Variants in CBR4 observed in about 807,000 individuals in gnomAD.
CBR4 encodes 3-oxoacyl-[acyl-carrier-protein] reductase.
A neutral mutation model predicts 21.0 loss-of-function variants in CBR4; 22 were observed. The observed-to-expected ratio is 1.05, with a 90% CI of 0.75 to 1.50. The LOEUF is 1.50. Among genes scored for constraint, CBR4 ranks in the 40% most tolerant of loss-of-function variants. The pLI, the probability that CBR4 is intolerant of heterozygous loss-of-function variation, is 0.00. For missense variants in CBR4, 302 were observed against 286.3 expected (o/e 1.05, Z -0.40); for synonymous variants, 100 against 104.4 (o/e 0.96, Z 0.26).
chr4:168,925,219 C>G, intron 2 of CBR4: 5 of 1,417,380 alleles, frequency 3.5e-6, no homozygotes, highest in Non-Finnish European at 5.0e-6. Flanking sequence ...CTCTCTCTCT[C>G]TTTCTATTTG....
downstream of CBR4, among the ~76,000 whole-genome samples, chr4:168,985,269 G>T (rs1764652784): frequency 6.6e-6 from 1 of 152,034 alleles, no homozygotes; most frequent in Non-Finnish European, 1.5e-5. Context: ...CATACGTGCA[G>T]CCAACAAGCA....
At chr4:168,979,567 T>C (rs554573077) in intron 2 of CBR4, among the ~76,000 whole-genome samples, 4 of 152,262 alleles carry the variant, frequency 2.6e-5, no homozygotes, top group South Asian at 2.1e-4. Context: ...GCTTCAGCGG[T>C]ACGGCCCTAG....
chr4:168,910,176 G>C (rs1235154597), intron 2 of CBR4, among the ~76,000 whole-genome samples: 1 of 150,510 alleles, frequency 6.6e-6, no homozygotes, highest in Non-Finnish European at 1.5e-5. Flanking sequence ...TGAAAACAGT[G>C]TAGAAATGTG....
chr4:168,917,982 C>T (rs993276574), intron 2 of CBR4, among the ~76,000 whole-genome samples: 5 of 151,912 alleles, frequency 3.3e-5, no homozygotes, highest in African/African-American at 9.7e-5. Context: ...GGGCGGATCA[C>T]GAGGTCAGGA....
chr4:168,932,812 T>C (rs766533609), intron 2 of CBR4, among the ~76,000 whole-genome samples: 5 of 152,104 alleles, frequency 3.3e-5, no homozygotes, highest in African/African-American at 1.2e-4. Flanking sequence ...GTAAAGAATA[T>C]TGCTTTAATA....
Position 168,924,957 on chromosome 4 carries a change from C to T in CBR4, n.170-30192G>A, listed in dbSNP as rs749775897. The T allele has an allele frequency of 1.9e-6, 3 of 1,614,146 alleles. No homozygotes were observed. Among genetic ancestry groups the T allele is most frequent in the African/African-American group, 1.3e-5 (1 of 75,040 alleles). ...TCCTTTTCTCCAGCATGCACCAGGA[C>T]AACCACGGCTACATCTGCCTGCTCA... On this transcript the variant is annotated intron_variant and non_coding_transcript_variant, in intron 2 of 3. Coordinates refer to the CBR4 transcript ENST00000509108.
At chr4:168,933,283 A>T (rs1222553710) in intron 2 of CBR4, among the ~76,000 whole-genome samples, 1 of 152,196 alleles carries the variant, frequency 6.6e-6, no homozygotes, top group East Asian at 1.9e-4. Flanking sequence ...CTCACCTGTA[A>T]AAGACACACA....
At chr4:168,943,349 A>G (rs1763313251) in intron 2 of CBR4, among the ~76,000 whole-genome samples, 1 of 152,184 alleles carries the variant, frequency 6.6e-6, no homozygotes, top group African/African-American at 2.4e-5. Context: ...CTGGCATTTG[A>G]GAAAGCCACC....
Position 168,988,600 on chromosome 4 carries a change from T to C in CBR4, c.*1550A>G. 1.0e-6 allele frequency: 1 copy of C among 985,442 alleles called. No individual in the cohort carries two copies. Among genetic ancestry groups the C allele is most frequent in the Non-Finnish European group, 1.2e-6 (1 of 829,922 alleles). 61.0% of individuals were successfully genotyped at this position (985,442 alleles called of 1,614,324 possible). A position where few individuals can be genotyped will look rare whatever the true frequency, so the allele number is the denominator to read the frequency against. On this transcript the variant is annotated 3_prime_UTR_variant, in exon 5 of 5. Coordinates refer to ENST00000306193, the MANE Select transcript of CBR4 (RefSeq NM_032783.5). ...ATCAACTACTACATTGAAACCATTC[T>C]GAGTGCTGCATTTCCTATATGTGCC...
chr4:168,924,007 C>T (rs1256087613), intron 2 of CBR4, among the ~76,000 whole-genome samples: 2 of 152,150 alleles, frequency 1.3e-5, no homozygotes, highest in African/African-American at 4.8e-5. Flanking sequence ...TTCTGTGAAG[C>T]AGATGGCCAG....
intron 2 of CBR4, among the ~76,000 whole-genome samples, chr4:168,924,783 C>G (rs1762257305): frequency 1.3e-5 from 2 of 152,194 alleles, no homozygotes; most frequent in Non-Finnish European, 2.9e-5. Flanking sequence ...TTCTTTCTCC[C>G]ATTAACTTTA....
intron 2 of CBR4, among the ~76,000 whole-genome samples, chr4:168,947,124 GT>G (rs896414345): frequency 2.6e-5 from 4 of 151,152 alleles, no homozygotes; most frequent in African/African-American, 4.9e-5. Context: ...CCCCTGTCAT[GT>G]TTTTTTTTAA....
chr4:168,930,728 A>G (rs1278531167), intron 2 of CBR4, among the ~76,000 whole-genome samples: 2 of 152,180 alleles, frequency 1.3e-5, no homozygotes, highest in East Asian at 3.8e-4. Context: ...TGCATCCCCC[A>G]ACTCTGACTG....
At chr4:168,991,363 G>A in intron 4 of CBR4, among the ~76,000 whole-genome samples, 1 of 152,276 alleles carries the variant, frequency 6.6e-6, no homozygotes, top group African/African-American at 2.4e-5. Flanking sequence ...TTTCACTTAG[G>A]TAGGGATAGA....
At chr4:168,912,328 TCTG>T (rs1759141258) in intron 2 of CBR4, among the ~76,000 whole-genome samples, 1 of 152,246 alleles carries the variant, frequency 6.6e-6, no homozygotes, top group African/African-American at 2.4e-5. Flanking sequence ...TGATGGTACA[TCTG>T]CTTCTTGTTT....
At chr4:168,970,872 G>T (rs1266880212) in intron 2 of CBR4, among the ~76,000 whole-genome samples, 1 of 151,558 alleles carries the variant, frequency 6.6e-6, no homozygotes, top group Non-Finnish European at 1.5e-5. Flanking sequence ...TCATCTACTC[G>T]TTGGTTGATG....
chr4:168,901,326 C>T lies in CBR4; in HGVS notation n.170-6561G>A, dbSNP rs145088656. ...TTGTTCTAGTTGAGCCATAGGAAGA[C>T]TGAAAATAATTTCTGATTTACCCTG... On this transcript the variant is annotated intron_variant and non_coding_transcript_variant, in intron 2 of 3. Transcript: ENST00000509108. Among the ~76,000 whole-genome samples the T allele has an allele frequency of 2.9e-3, 445 of 152,264 alleles. 3 individuals are homozygous for T. Among genetic ancestry groups the T allele is most frequent in the African/African-American group, 1.0e-2 (415 of 41,552 alleles).
intron 2 of CBR4, among the ~76,000 whole-genome samples, chr4:168,962,968 A>G (rs1435864841): frequency 6.6e-6 from 1 of 152,226 alleles, no homozygotes; most frequent in African/African-American, 2.4e-5. Context: ...ACTAGATACA[A>G]AGTATTTCAA....
chr4:169,009,949 G>A lies in CBR4; in HGVS notation c.141C>T (p.Gly47=). Reference sequence around the variant, plus strand: ...GGACAACTCCAGTTTGGTACCTACCGCCGAGGTCACCGGCGGCGGCTTTGG... The same window carrying A: ...GGACAACTCCAGTTTGGTACCTACCACCGAGGTCACCGGCGGCGGCTTTGG... ...EGAKAAAGDL[G]GDHLAFSCDV... Residue 47 remains glycine (G), a splice_region_variant and synonymous_variant, in exon 1 of 5, where the codon GGC becomes GGT. Coordinates refer to ENST00000306193, the MANE Select transcript of CBR4 (RefSeq NM_032783.5). The A allele has an allele frequency of 6.2e-7, 1 of 1,610,864 alleles. No individual in the cohort carries two copies. The highest frequency in any genetic ancestry group is 1.8e-4 in the Middle Eastern group (1 of 5,488).
Sources: gnomAD v4.1 joint callset for allele counts (sites outside exome capture counted in the v4.1 genomes callset) on GRCh38, gnomAD v4.1.1 for gene constraint, MANE v1.5 for transcripts, NCBI Gene and HGNC (gene_info 2026-07-23, HGNC 2026-07-21) for gene names.